RABGAP1L: variants seen among roughly 807,000 people sequenced by gnomAD.
The protein encoded by RABGAP1L is rab GTPase-activating protein 1-like.
Under a neutral mutation model 137.7 loss-of-function variants are expected in RABGAP1L, and 63 were observed. The ratio of observed to expected loss-of-function variants is 0.46; its 90% CI spans 0.37 to 0.56. RABGAP1L has a LOEUF of 0.56. Among genes scored for constraint, RABGAP1L ranks in the 20% least tolerant of loss-of-function variants. RABGAP1L has a pLI of 0.00. For missense variants in RABGAP1L, 1,095 were observed against 1,244.0 expected, an observed-to-expected ratio of 0.88 and a Z score of 1.80; for synonymous variants, 431 against 433.7, an observed-to-expected ratio of 0.99 and a Z score of 0.08.
At position 174,547,862 on chromosome 1, in the gene RABGAP1L, C is replaced by T. The variant is rs374826074; in HGVS notation, c.1711-89513C>T. The T allele has an allele frequency of 6.2e-5, 96 of 1,538,312 alleles. 1 individual carries two copies. The highest frequency in any genetic ancestry group is 7.5e-5 in the Non-Finnish European group (85 of 1,136,496). Reference sequence around the variant, plus strand: ...CAACAGATGAAATTTAGTCTTACACCGAGACAGACTATTCACCTAGTTAAA... The same window carrying T: ...CAACAGATGAAATTTAGTCTTACACTGAGACAGACTATTCACCTAGTTAAA... On this transcript the variant is annotated intron_variant, in intron 13 of 25. Coordinates refer to ENST00000681986, the MANE Select transcript of RABGAP1L (RefSeq NM_001366446.1).
At chr1:174,562,047 G>A (rs899427867) in intron 13 of RABGAP1L, among the ~76,000 whole-genome samples, 25 of 152,120 alleles carry the variant, frequency 1.6e-4, no homozygotes, top group African/African-American at 6.0e-4. Context: ...GAAAGAGACA[G>A]TATCATCAGA....
chr1:174,240,010 A>T (rs1205198776), intron 4 of RABGAP1L, among the ~76,000 whole-genome samples: 5 of 152,234 alleles, frequency 3.3e-5, no homozygotes. Flanking sequence ...TTATCGTCTA[A>T]AAATGTCAAA....
intron 18 of RABGAP1L, among the ~76,000 whole-genome samples, chr1:174,777,861 A>C (rs1558068317): frequency 6.6e-6 from 1 of 152,172 alleles, no homozygotes; most frequent in Non-Finnish European, 1.5e-5. Context: ...AAGAAAAAGC[A>C]AATTTAAAAA....
intron 13 of RABGAP1L, among the ~76,000 whole-genome samples, chr1:174,487,195 A>T (rs1447310720): frequency 6.6e-6 from 1 of 152,124 alleles, no homozygotes; most frequent in Non-Finnish European, 1.5e-5. Context: ...TGTCTGGAAG[A>T]TCTGTGTAAT....
chr1:174,880,526 C>CT lies in RABGAP1L; in HGVS notation c.2340+68575dup, dbSNP rs1017719339. ...GACCATCATAAATAAACAGAATTCT[C>CT]TTTTTTTTTCTTTTCTTTCTTTCCT... On this transcript the variant is annotated intron_variant, in intron 19 of 25. Transcript: ENST00000681986. 1.1e-3 allele frequency among the ~76,000 whole-genome samples: 162 copies of CT among 151,168 alleles called. No homozygotes were observed. The Middle Eastern group carries it at 0.024, about 22-fold the overall frequency.
intron 1 of RABGAP1L, among the ~76,000 whole-genome samples, chr1:174,198,455 A>C (rs1667858988): frequency 6.6e-6 from 1 of 152,236 alleles, no homozygotes; most frequent in South Asian, 2.1e-4. Flanking sequence ...AATAATCCCT[A>C]AATTCAAGGA....
intron 14 of RABGAP1L, among the ~76,000 whole-genome samples, chr1:174,677,568 G>A (rs746658107): frequency 9.9e-5 from 15 of 152,110 alleles, no homozygotes; most frequent in Non-Finnish European, 1.6e-4. Context: ...TCCTAGTTTC[G>A]AACCTTTGCC....
At chr1:174,228,350 G>A (rs901362644) in intron 3 of RABGAP1L, among the ~76,000 whole-genome samples, 13 of 151,808 alleles carry the variant, frequency 8.6e-5, no homozygotes, top group Admixed American at 7.9e-4. Context: ...GTTCCTCACT[G>A]GTTCACATTC....
In RABGAP1L at chr1:174,905,580, G is replaced by C. The variant is rs1327565315; in HGVS notation, c.2341-51877G>C. ...AAATACACAGAGAAGTCTGGGTGTGGTGGCTCATGCCTGTAATCCCAGCAC... is the reference window on the plus strand; with the variant it reads ...AAATACACAGAGAAGTCTGGGTGTGCTGGCTCATGCCTGTAATCCCAGCAC... On this transcript the variant is annotated intron_variant, in intron 19 of 25. Transcript: ENST00000681986. Among the ~76,000 whole-genome samples the C allele has an allele frequency of 3.9e-5, 6 of 152,274 alleles. 1 individual carries two copies. The highest frequency in any genetic ancestry group is 3.9e-4 in the Admixed American group (6 of 15,290).
At chr1:174,645,647 T>G (rs1167653220) in intron 14 of RABGAP1L, among the ~76,000 whole-genome samples, 1 of 152,164 alleles carries the variant, frequency 6.6e-6, no homozygotes, top group Admixed American at 6.6e-5. Context: ...GGTCCAAGTT[T>G]TTGCTATTGT....
At chr1:174,378,478 C>T (rs1205352479) in intron 12 of RABGAP1L, among the ~76,000 whole-genome samples, 1 of 151,548 alleles carries the variant, frequency 6.6e-6, no homozygotes, top group African/African-American at 2.4e-5. Context: ...GATTGCCATT[C>T]TGACTGGTGT....
At chr1:174,351,949 C>T (rs573078398) in intron 11 of RABGAP1L, among the ~76,000 whole-genome samples, 75 of 152,016 alleles carry the variant, frequency 4.9e-4, no homozygotes, top group African/African-American at 1.8e-3. Context: ...TTACAGGCGC[C>T]GGCCACCACA....
chr1:174,170,539 G>T (rs1441732296), intron 1 of RABGAP1L, among the ~76,000 whole-genome samples: 2 of 152,022 alleles, frequency 1.3e-5, no homozygotes, highest in Non-Finnish European at 2.9e-5. Flanking sequence ...ACCAGGCGTG[G>T]TGGCATGTGC....
intron 17 of RABGAP1L, among the ~76,000 whole-genome samples, chr1:174,749,100 C>T (rs1454136507): frequency 6.6e-6 from 1 of 151,060 alleles, no homozygotes; most frequent in Non-Finnish European, 1.5e-5. Flanking sequence ...CGCCTGAACC[C>T]AGGAAGTGGA....
At chr1:174,845,131 A>G (rs1438826043) in intron 19 of RABGAP1L, among the ~76,000 whole-genome samples, 1 of 149,384 alleles carries the variant, frequency 6.7e-6, no homozygotes, top group Non-Finnish European at 1.5e-5. Context: ...TTGGGCTGAG[A>G]TGATGGAGTT....
At chr1:174,369,900 T>C (rs1423590035) in intron 11 of RABGAP1L, among the ~76,000 whole-genome samples, 2 of 152,236 alleles carry the variant, frequency 1.3e-5, no homozygotes, top group African/African-American at 4.8e-5. Context: ...TCTCTGTATG[T>C]GGACATATTT....
intron 13 of RABGAP1L, among the ~76,000 whole-genome samples, chr1:174,597,497 G>A (rs531949774): frequency 6.6e-6 from 1 of 151,830 alleles, no homozygotes. Context: ...TGATTTATTG[G>A]CATATGGTTG....
intron 11 of RABGAP1L, among the ~76,000 whole-genome samples, chr1:174,340,423 C>G (rs1356737220): frequency 2.0e-5 from 3 of 152,118 alleles, no homozygotes; most frequent in African/African-American, 7.2e-5. Context: ...TCCTGATACT[C>G]CCCCTTCCCC....
Position 174,436,440 on chromosome 1 carries a change from G to T in RABGAP1L, c.1710+42295G>T, listed in dbSNP as rs1447549698. 5.8e-4 allele frequency among the ~76,000 whole-genome samples: 89 copies of T among 152,164 alleles called. 1 individual carries two copies. Among genetic ancestry groups the T allele is most frequent in the Non-Finnish European group, 8.8e-5 (6 of 68,028 alleles). On this transcript the variant is annotated intron_variant, in intron 13 of 25. Transcript: ENST00000681986. ...GCATTTTTTCATGTGTTTTTTGGCT[G>T]CATAAATGTCTTCTTTTGAGAAGTG...
Sources: allele counts gnomAD v4.1 joint callset (sites outside exome capture counted in the v4.1 genomes callset), GRCh38; gene constraint gnomAD v4.1.1; transcripts MANE v1.5; gene names NCBI Gene and HGNC (gene_info 2026-07-23, HGNC 2026-07-21).